Variants in PDE3A observed in about 807,000 individuals in gnomAD.
PDE3A encodes the protein cGMP-inhibited 3',5'-cyclic phosphodiesterase 3A.
A neutral mutation model predicts 98.3 loss-of-function variants in PDE3A; 43 were observed. The ratio of observed to expected loss-of-function variants is 0.44; its 90% CI spans 0.34 to 0.56. The LOEUF is 0.56. Ranked by LOEUF, PDE3A falls within the 20% of genes least tolerant of loss-of-function variation. The pLI is 0.01. For synonymous variants in PDE3A, 663 were observed against 567.9 expected, an observed-to-expected ratio of 1.17 and a Z score of -2.38; for missense variants, 1,427 against 1,440.7, an observed-to-expected ratio of 0.99 and a Z score of 0.15.
rs79415961 is a variant in PDE3A at position 20,424,708 on chromosome 12, G to A, written c.960+54464G>A. The stretch of plus-strand genomic sequence containing the variant: ...CAGAAAATCATAGAAAAATATGCAA[G>A]TTTATATCACTCACACTGTGGAGAA... On this transcript the variant is annotated intron_variant, in intron 1 of 15. Coordinates refer to ENST00000359062, the MANE Select transcript of PDE3A (RefSeq NM_000921.5). Among the ~76,000 whole-genome samples the A allele has an allele frequency of 9.7e-3, 1,471 of 152,282 alleles. 12 individuals carry two copies. The highest frequency in any genetic ancestry group is 0.015 in the Non-Finnish European group (1,040 of 68,018).
chr12:20,373,151 A>G (rs1943508457), intron 1 of PDE3A, among the ~76,000 whole-genome samples: 1 of 152,110 alleles, frequency 6.6e-6, no homozygotes, highest in African/African-American at 2.4e-5. Context: ...TTAAAGTTTA[A>G]AGAACTATAA....
intron 1 of PDE3A, among the ~76,000 whole-genome samples, chr12:20,462,798 T>C (rs2120932841): frequency 6.6e-6 from 1 of 152,162 alleles, no homozygotes; most frequent in African/African-American, 2.4e-5. Context: ...AGCTATACTT[T>C]TTTTTTTTAT....
At chr12:20,576,332 A>C (rs993943006) in intron 2 of PDE3A, among the ~76,000 whole-genome samples, 1 of 152,136 alleles carries the variant, frequency 6.6e-6, no homozygotes, top group Non-Finnish European at 1.5e-5. Context: ...GGAATTTGCA[A>C]ACAAGATTAG....
chr12:20,370,016 C>T lies in PDE3A; in HGVS notation c.732C>T (p.Ala244=), dbSNP rs575328659. Residue 244 remains alanine (A), a synonymous_variant, in exon 1 of 16, where the codon GCC becomes GCT. Coordinates refer to ENST00000359062, the MANE Select transcript of PDE3A (RefSeq NM_000921.5). ...VAWRPYLAYL[A]GVLGILLARY... is the part of the protein sequence containing the mutation. Reference sequence around the variant, plus strand: ...GGAGACCTTACCTGGCGTACCTGGCCGGCGTGCTGGGGATCCTCTTGGCCA... The same window carrying T: ...GGAGACCTTACCTGGCGTACCTGGCTGGCGTGCTGGGGATCCTCTTGGCCA... The T allele has an allele frequency of 2.5e-6, 4 of 1,612,990 alleles. No individual in the cohort carries two copies. Among genetic ancestry groups the T allele is most frequent in the Admixed American group, 3.3e-5 (2 of 60,022 alleles).
At chr12:20,593,298 C>A (rs773727606) in intron 2 of PDE3A, among the ~76,000 whole-genome samples, 6 of 152,084 alleles carry the variant, frequency 3.9e-5, no homozygotes, top group African/African-American at 1.4e-4. Flanking sequence ...TAGTAGAGCA[C>A]GTGGAGATGT....
intron 13 of PDE3A, among the ~76,000 whole-genome samples, chr12:20,649,820 C>T (rs1005074970): frequency 4.0e-5 from 6 of 151,774 alleles, no homozygotes; most frequent in East Asian, 1.9e-4. Context: ...TACCTACTTG[C>T]GGGGGCTGAG....
At chr12:20,578,157 A>G (rs1190291895) in intron 2 of PDE3A, among the ~76,000 whole-genome samples, 1 of 152,178 alleles carries the variant, frequency 6.6e-6, no homozygotes, top group African/African-American at 2.4e-5. Context: ...GGCAGGAGTT[A>G]GTCTAATATG....
intron 1 of PDE3A, among the ~76,000 whole-genome samples, chr12:20,526,285 A>G (rs565611903): frequency 5.9e-5 from 9 of 152,278 alleles, no homozygotes; most frequent in Non-Finnish European, 1.0e-4. Context: ...GCAACTCTGT[A>G]AGTATCTTTT....
chr12:20,509,148 T>C (rs1946171822), intron 1 of PDE3A, among the ~76,000 whole-genome samples: 1 of 152,032 alleles, frequency 6.6e-6, no homozygotes, highest in Admixed American at 6.6e-5. Flanking sequence ...AGGCCAAATA[T>C]CTAATCTGCC....
At chr12:20,558,405 C>G (rs1165162845) in intron 2 of PDE3A, among the ~76,000 whole-genome samples, 1 of 151,924 alleles carries the variant, frequency 6.6e-6, no homozygotes, top group Non-Finnish European at 1.5e-5. Flanking sequence ...GCATTAAAAT[C>G]GGCTTGCATG....
intron 15 of PDE3A, among the ~76,000 whole-genome samples, chr12:20,667,729 C>G (rs993279608): frequency 6.6e-6 from 1 of 152,076 alleles, no homozygotes; most frequent in African/African-American, 2.4e-5. Context: ...TCTTTTCGTT[C>G]AGGATTGCTT....
chr12:20,371,706 C>G (rs1451268537), intron 1 of PDE3A, among the ~76,000 whole-genome samples: 1 of 152,062 alleles, frequency 6.6e-6, no homozygotes, highest in Non-Finnish European at 1.5e-5. Context: ...TGTTTCTTGT[C>G]TTTAAGCTTA....
intron 2 of PDE3A, among the ~76,000 whole-genome samples, chr12:20,575,550 A>T (rs1942909645): frequency 6.6e-6 from 1 of 152,018 alleles, no homozygotes; most frequent in Non-Finnish European, 1.5e-5. Flanking sequence ...TCAGCTGTCT[A>T]CTGGTTACAA....
At chr12:20,581,779 A>AT (rs953649609) in intron 2 of PDE3A, among the ~76,000 whole-genome samples, 1 of 151,444 alleles carries the variant, frequency 6.6e-6, no homozygotes, top group African/African-American at 2.4e-5. Context: ...CGCCCGGCTA[A>AT]TTTTTTGTAT....
intron 1 of PDE3A, among the ~76,000 whole-genome samples, chr12:20,441,342 G>T (rs978989855): frequency 1.3e-5 from 2 of 152,080 alleles, no homozygotes; most frequent in Non-Finnish European, 2.9e-5. Flanking sequence ...ATTTGAACAG[G>T]GAGAGACCTG....
At chr12:20,632,733 A>G (rs908344237) in intron 6 of PDE3A, among the ~76,000 whole-genome samples, 1 of 151,984 alleles carries the variant, frequency 6.6e-6, no homozygotes, top group African/African-American at 2.4e-5. Flanking sequence ...CCAGCATCCT[A>G]TGTAGTCAGT....
chr12:20,465,058 C>T (rs2120941499), intron 1 of PDE3A, among the ~76,000 whole-genome samples: 1 of 152,230 alleles, frequency 6.6e-6, no homozygotes. Context: ...TTTTAAGGTT[C>T]ATCATACCCC....
rs199524608 is a variant in PDE3A at position 20,554,110 on chromosome 12, TG to T, written c.961-2549del. Among the ~76,000 whole-genome samples the T allele has an allele frequency of 1.8e-3, 264 of 149,038 alleles. 5 individuals carry two copies. In the East Asian group the frequency reaches 0.045, roughly 25 times the overall value. ...TGTTTTTGTTTTTGTATTTTTTTTT[TG>T]AAAGGGTTTGTTAATTTTTCTAATT... On this transcript the variant is annotated intron_variant, in intron 1 of 15. Coordinates refer to ENST00000359062, the MANE Select transcript of PDE3A (RefSeq NM_000921.5).
At chr12:20,595,512 T>C (rs1316600942) in intron 2 of PDE3A, among the ~76,000 whole-genome samples, 1 of 152,154 alleles carries the variant, frequency 6.6e-6, no homozygotes, top group Non-Finnish European at 1.5e-5. Context: ...AATGTTATCA[T>C]AGTCCATAGG....
Sources: gnomAD v4.1 joint callset for allele counts (sites outside exome capture counted in the v4.1 genomes callset) on GRCh38, gnomAD v4.1.1 for gene constraint, MANE v1.5 for transcripts, NCBI Gene and HGNC (gene_info 2026-07-23, HGNC 2026-07-21) for gene names.